Variants in SMYD2 observed in about 807,000 individuals in gnomAD.
SMYD2 encodes the protein N-lysine methyltransferase SMYD2.
Under a neutral mutation model 59.1 loss-of-function variants are expected in SMYD2, and 53 were observed. The observed-to-expected ratio is 0.90, with a 90% CI of 0.72 to 1.13. The LOEUF (loss-of-function observed/expected upper bound fraction) is 1.13. Ranked by LOEUF, SMYD2 falls within the 50% of genes most tolerant of loss-of-function variation. SMYD2 has a pLI of 0.00. For missense variants in SMYD2, 494 were observed against 544.7 expected, an observed-to-expected ratio of 0.91 and a Z score of 0.93; for synonymous variants, 208 against 198.8, an observed-to-expected ratio of 1.05 and a Z score of -0.39.
At chr1:214,310,030 T>C (rs529300207) in intron 2 of SMYD2, among the ~76,000 whole-genome samples, 3 of 152,316 alleles carry the variant, frequency 2.0e-5, no homozygotes, top group African/African-American at 7.2e-5. Context: ...GTAGGCTGTG[T>C]TTGTTGTTAG....
At chr1:214,317,034 T>C (rs991062737) in intron 3 of SMYD2, among the ~76,000 whole-genome samples, 5 of 152,126 alleles carry the variant, frequency 3.3e-5, no homozygotes, top group Admixed American at 1.3e-4. Flanking sequence ...TATAGTGATA[T>C]GTTAAGAATT....
rs2102482271 is a variant in SMYD2, at chr1:214,336,208, G to A, written c.1222-496G>A. Among the ~76,000 whole-genome samples, 2 of 152,244 alleles carry A rather than the reference G, an allele frequency of 1.3e-5. 1 individual carries two copies. The highest frequency in any genetic ancestry group is 4.2e-4 in the South Asian group (2 of 4,818). ...TTACCTAGCAGTAGACACTGGATGA[G>A]TTAGCTACCAGATGGTCTTCTCCTT... is the stretch of plus-strand genomic sequence containing the variant. On this transcript the variant is annotated intron_variant, in intron 11 of 11. Transcript: ENST00000366957.
chr1:214,302,657 C>T (rs994977379), intron 1 of SMYD2, among the ~76,000 whole-genome samples: 4 of 152,126 alleles, frequency 2.6e-5, no homozygotes, highest in African/African-American at 2.4e-5. Context: ...GACTTGGTGA[C>T]GAGCTGGTTC....
rs1571929976 is a variant in SMYD2 at position 214,318,477 on chromosome 1, C to T, written c.409+338C>T. ...AATAGCTGATGTTCTTACTGAAAGC[C>T]GTGAAATCAGGGGTTGTCCAGTTGT... On this transcript the variant is annotated intron_variant, in intron 4 of 11. Transcript: ENST00000366957. The surrounding 1 kb of genome is among the most constrained non-coding windows in gnomAD (Gnocchi z 5.4). Among the ~76,000 whole-genome samples the T allele has an allele frequency of 6.6e-6, 1 of 152,252 alleles. No individual in the cohort carries two copies. The highest frequency in any genetic ancestry group is 2.1e-4 in the South Asian group (1 of 4,816).
chr1:214,308,641 C>T (rs1468039804), intron 2 of SMYD2, among the ~76,000 whole-genome samples: 1 of 152,182 alleles, frequency 6.6e-6, no homozygotes, highest in Non-Finnish European at 1.5e-5. Flanking sequence ...ATTAACTGGT[C>T]CTTCCTCAAA....
In SMYD2 at chr1:214,330,938, C is replaced by T. The variant is rs978436433; in HGVS notation, c.817-12C>T. On this transcript the variant is annotated splice_polypyrimidine_tract_variant and intron_variant, in intron 8 of 11. Transcript: ENST00000366957. ...GGCGGTAACGCCTTGCCCTTGTGGA[C>T]GTTTCCTTCAGGATAAGGCCAAGGT... The T allele has an allele frequency of 9.9e-6, 16 of 1,613,764 alleles. No individual in the cohort carries two copies. Among genetic ancestry groups the T allele is most frequent in the Middle Eastern group, 1.7e-4 (1 of 5,928 alleles).
At chr1:214,303,879 C>T (rs1175094244) in intron 1 of SMYD2, among the ~76,000 whole-genome samples, 3 of 152,232 alleles carry the variant, frequency 2.0e-5, no homozygotes, top group African/African-American at 4.8e-5. Flanking sequence ...GTAGCCGCTT[C>T]GTGCTGTCGG....
intron 2 of SMYD2, among the ~76,000 whole-genome samples, chr1:214,310,130 A>G (rs1304729092): frequency 6.6e-6 from 1 of 152,266 alleles, no homozygotes; most frequent in Non-Finnish European, 1.5e-5. Flanking sequence ...ATATTTGCTC[A>G]GCAGAAAACT....
At chr1:214,323,900 C>T (rs565696205) in intron 5 of SMYD2, among the ~76,000 whole-genome samples, 43 of 152,254 alleles carry the variant, frequency 2.8e-4, no homozygotes, top group African/African-American at 9.6e-4. Context: ...TTCATATTTA[C>T]CACCTCACCT....
At chr1:214,305,482 A>T (rs1656901842) in intron 2 of SMYD2, among the ~76,000 whole-genome samples, 1 of 152,230 alleles carries the variant, frequency 6.6e-6, no homozygotes, top group Non-Finnish European at 1.5e-5. Context: ...ACCATGTTAG[A>T]TACAGGCAGG....
chr1:214,288,576 A>G (rs534237668), intron 1 of SMYD2, among the ~76,000 whole-genome samples: 1 of 152,196 alleles, frequency 6.6e-6, no homozygotes, highest in East Asian at 1.9e-4. Flanking sequence ...CCTTGATTGA[A>G]TAGAATTTAT....
intron 5 of SMYD2, 57 bp from the exon 6 acceptor site, chr1:214,324,584 C>A: frequency 6.9e-7 from 1 of 1,443,430 alleles, no homozygotes; most frequent in Non-Finnish European, 9.6e-7. Context: ...AAAATGATCT[C>A]TACCCAGAAA....
Position 214,299,465 on chromosome 1 carries a change from T to TTATA in SMYD2, c.174-5707_174-5704dup, listed in dbSNP as rs756823866. ...AACAGTGAACTGGATAAAGAAAACATTATATATATATATATATACACCATA... is the reference window on the plus strand; with the variant it reads ...AACAGTGAACTGGATAAAGAAAACATTATATATATATATATATATATACACCATA... On this transcript the variant is annotated intron_variant, in intron 1 of 11. Coordinates refer to ENST00000366957, the MANE Select transcript of SMYD2 (RefSeq NM_020197.3). Among the ~76,000 whole-genome samples the TTATA allele has an allele frequency of 3.6e-3, 258 of 71,544 alleles. 5 individuals are homozygous for TTATA. The highest frequency in any genetic ancestry group is 0.02 in the East Asian group (69 of 3,394). 46.9% of individuals were successfully genotyped at this position (71,544 alleles called of 152,430 possible).
At chr1:214,291,412 C>T (rs573969124) in intron 1 of SMYD2, among the ~76,000 whole-genome samples, 15 of 152,310 alleles carry the variant, frequency 9.8e-5, no homozygotes, top group African/African-American at 3.6e-4. Flanking sequence ...GCATACAGAG[C>T]ACTTTCCACT....
rs529056062 is a variant in SMYD2 at position 214,289,987 on chromosome 1, G to C, written c.173+8560G>C. ...TGGCAGGGAATTAACTGAAGTACCT[G>C]CCTTTTCAGGGGTTGAACCCATGAC... is the stretch of plus-strand genomic sequence containing the variant. On this transcript the variant is annotated intron_variant, in intron 1 of 11. Coordinates refer to ENST00000366957, the MANE Select transcript of SMYD2 (RefSeq NM_020197.3). 1.1e-4 allele frequency among the ~76,000 whole-genome samples: 17 copies of C among 152,358 alleles called. No individual in the cohort carries two copies. In the South Asian group the frequency reaches 3.3e-3, roughly 30 times the overall value.
chr1:214,300,283 C>G (rs1656800399), intron 1 of SMYD2, among the ~76,000 whole-genome samples: 1 of 152,140 alleles, frequency 6.6e-6, no homozygotes, highest in South Asian at 2.1e-4. Context: ...AGCACATGAT[C>G]CAGCTTGGAC....
At chr1:214,299,079 A>G (rs1656778761) in intron 1 of SMYD2, among the ~76,000 whole-genome samples, 1 of 152,114 alleles carries the variant, frequency 6.6e-6, no homozygotes, top group African/African-American at 2.4e-5. Context: ...TGAGCACAAG[A>G]GTTTGAGGCT....
At chr1:214,321,519 C>T (rs972773775) in intron 5 of SMYD2, among the ~76,000 whole-genome samples, 1 of 152,240 alleles carries the variant, frequency 6.6e-6, no homozygotes, top group Non-Finnish European at 1.5e-5. Flanking sequence ...TCCCACCTCT[C>T]AGCCAGCAGC....
At chr1:214,303,006 G>T (rs1379250043) in intron 1 of SMYD2, among the ~76,000 whole-genome samples, 1 of 151,698 alleles carries the variant, frequency 6.6e-6, no homozygotes, top group Non-Finnish European at 1.5e-5. Flanking sequence ...AATTTTTTTT[G>T]TTGTTGTTCA....
Sources: allele counts gnomAD v4.1 joint callset (sites outside exome capture counted in the v4.1 genomes callset), GRCh38; gene constraint gnomAD v4.1.1; non-coding constraint Gnocchi (gnomAD v3.1); transcripts MANE v1.5; gene names NCBI Gene and HGNC (gene_info 2026-07-23, HGNC 2026-07-21).